PRKAR2A: variants seen among roughly 807,000 people sequenced by gnomAD.
The protein encoded by PRKAR2A is protein kinase cAMP-dependent type II regulatory subunit alpha.
In PRKAR2A, 29 loss-of-function variants were observed where a neutral mutation model predicts 51.9. The observed-to-expected ratio is 0.56, with a 90% CI of 0.42 to 0.76. PRKAR2A has a LOEUF of 0.76. PRKAR2A is among the 30% of genes least tolerant of loss of function. The probability of loss-of-function intolerance (pLI) is 0.00; values close to 1 mark genes in which losing one functional copy is unlikely to be tolerated. For missense variants in PRKAR2A, 445 were observed against 512.1 expected (o/e 0.87, Z 1.26); for synonymous variants, 178 against 186.2 (o/e 0.96, Z 0.36).
At chr3:48,815,418 C>T (rs563461462) in intron 1 of PRKAR2A, among the ~76,000 whole-genome samples, 6 of 151,462 alleles carry the variant, frequency 4.0e-5, no homozygotes, top group African/African-American at 9.7e-5. Flanking sequence ...GGAAGCTGGA[C>T]GGGCACGGTG....
chr3:48,800,298 AG>A (rs1407364772), intron 2 of PRKAR2A, among the ~76,000 whole-genome samples: 1 of 150,940 alleles, frequency 6.6e-6, no homozygotes, highest in African/African-American at 2.4e-5. Context: ...GCAGATGACA[AG>A]GTCAGGAGTT....
At chr3:48,758,989 T>A (rs1404190380) in intron 8 of PRKAR2A, among the ~76,000 whole-genome samples, 1 of 152,194 alleles carries the variant, frequency 6.6e-6, no homozygotes, top group South Asian at 2.1e-4. Flanking sequence ...CTGGACCAAA[T>A]GAAGGACAGT....
Position 48,756,430 on chromosome 3 carries a change from A to T in PRKAR2A, c.888T>A (p.Asp296Glu). 2 of 1,613,878 alleles carry T rather than the reference A, an allele frequency of 1.2e-6. No individual in the cohort carries two copies. The highest frequency in any genetic ancestry group is 1.7e-6 in the Non-Finnish European group (2 of 1,179,806). ...ERIITQGEKA[D>E]SFYIIESGEV... is the part of the protein sequence containing the mutation. ...CGCCAGACTCTATGATGTAAAAGCT[A>T]TCAGCCTTTTCACCCTGAAAGAAAA... is the stretch of plus-strand genomic sequence containing the variant. The change falls in exon 9 of 11, where the codon GAT becomes GAA. Residue 296 changes from aspartate (D) to glutamate (E), a missense_variant. By Grantham distance (45) the Asp-to-Glu change is conservative. Coordinates refer to ENST00000265563, the MANE Select transcript of PRKAR2A (RefSeq NM_004157.4).
chr3:48,819,968 C>T (rs1277040972), intron 1 of PRKAR2A, among the ~76,000 whole-genome samples: 1 of 152,190 alleles, frequency 6.6e-6, no homozygotes, highest in African/African-American at 2.4e-5. Flanking sequence ...CCCAACTCTG[C>T]CTACTACTTC....
chr3:48,829,898 G>A, intron 1 of PRKAR2A, among the ~76,000 whole-genome samples: 1 of 67,200 alleles, frequency 1.5e-5, no homozygotes, highest in East Asian at 4.0e-4. Context: ...AAGCTTTTTT[G>A]TTAAAAACTA....
intron 8 of PRKAR2A, among the ~76,000 whole-genome samples, chr3:48,762,364 C>T (rs1237528924): frequency 6.6e-6 from 1 of 152,206 alleles, no homozygotes; most frequent in Non-Finnish European, 1.5e-5. Context: ...TTTTAAGAAA[C>T]AGTTTGTTAT....
intron 1 of PRKAR2A, among the ~76,000 whole-genome samples, chr3:48,824,277 C>T (rs1328903144): frequency 1.3e-5 from 2 of 151,930 alleles, no homozygotes; most frequent in East Asian, 3.9e-4. Context: ...GGCATGGTGG[C>T]ACATGCCTAT....
At chr3:48,832,668 ATTTT>A (rs904990702) in intron 1 of PRKAR2A, among the ~76,000 whole-genome samples, 3 of 150,496 alleles carry the variant, frequency 2.0e-5, no homozygotes, top group African/African-American at 4.9e-5. Flanking sequence ...TTACAAAACG[ATTTT>A]TTTTTTAATT....
intron 8 of PRKAR2A, among the ~76,000 whole-genome samples, chr3:48,763,154 T>A (rs1196210052): frequency 6.6e-6 from 1 of 152,158 alleles, no homozygotes; most frequent in Non-Finnish European, 1.5e-5. Context: ...ACATAAAATG[T>A]AGTTTCTGAT....
chr3:48,758,065 A>C (rs1004658361), intron 8 of PRKAR2A, among the ~76,000 whole-genome samples: 2 of 151,822 alleles, frequency 1.3e-5, no homozygotes, highest in African/African-American at 4.8e-5. Flanking sequence ...TCAAAAATAA[A>C]TAAAATACAT....
At chr3:48,802,175 T>C (rs1435941642) in intron 2 of PRKAR2A, among the ~76,000 whole-genome samples, 1 of 152,120 alleles carries the variant, frequency 6.6e-6, no homozygotes, top group Non-Finnish European at 1.5e-5. Context: ...CCCAAAGTGT[T>C]GGGATTACAA....
chr3:48,783,646 T>C (rs2082240429), intron 4 of PRKAR2A, among the ~76,000 whole-genome samples: 1 of 152,150 alleles, frequency 6.6e-6, no homozygotes, highest in South Asian at 2.1e-4. Context: ...AGTGGTGTGA[T>C]CTCAGCTCAC....
At chr3:48,826,136 C>T (rs1009398197) in intron 1 of PRKAR2A, among the ~76,000 whole-genome samples, 5 of 152,212 alleles carry the variant, frequency 3.3e-5, no homozygotes, top group East Asian at 1.9e-4. Flanking sequence ...TGTGGTGCCA[C>T]GCACCTCTGG....
chr3:48,839,743 T>C (rs570514214), intron 1 of PRKAR2A, among the ~76,000 whole-genome samples: 17 of 152,308 alleles, frequency 1.1e-4, no homozygotes, highest in African/African-American at 4.1e-4. Context: ...TTACATATGA[T>C]ACTTCTTGTT....
chr3:48,764,941 AATG>A (rs1215976745), intron 8 of PRKAR2A, 60 bp downstream of exon 8: 1 of 1,450,688 alleles, frequency 6.9e-7, no homozygotes, highest in African/African-American at 1.4e-5. Flanking sequence ...TTTTGAGATA[AATG>A]ATGTACTAGT....
Position 48,847,486 on chromosome 3 carries a change from G to A in PRKAR2A, c.111C>T (p.Phe37=), listed in dbSNP as rs1202019341. Residue 37 remains phenylalanine, a synonymous_variant, in exon 1 of 11, where the codon TTC becomes TTT. Coordinates refer to ENST00000265563, the MANE Select transcript of PRKAR2A (RefSeq NM_004157.4). The surrounding 1 kb of genome is among the most constrained non-coding windows in gnomAD (Gnocchi z 4.4). ...PDLVEFAVEY[F]TRLREARAPA... ...GGGCGCGGGCCTCGCGCAGGCGGGT[G>A]AAGTACTCCACTGCGAATTCGACGA... is the stretch of plus-strand genomic sequence containing the variant. 4.5e-6 allele frequency: 7 copies of A among 1,556,708 alleles called. No individual in the cohort carries two copies. The highest frequency in any genetic ancestry group is 6.1e-6 in the Non-Finnish European group (7 of 1,150,296).
chr3:48,793,829 C>A lies in PRKAR2A; in HGVS notation c.351+168G>T, dbSNP rs1204911724. 3.9e-5 allele frequency among the ~76,000 whole-genome samples: 6 copies of A among 152,154 alleles called. No homozygotes were observed. In the South Asian group the frequency reaches 1.2e-3, roughly 31 times the overall value. ...CTGACAGCTACAGCTAGGCATTGCTCACATACCCTCAACCAATGCAACTTT... is the reference window on the plus strand; with the variant it reads ...CTGACAGCTACAGCTAGGCATTGCTAACATACCCTCAACCAATGCAACTTT... On this transcript the variant is annotated intron_variant, in intron 3 of 10. Transcript: ENST00000265563.
intron 1 of PRKAR2A, among the ~76,000 whole-genome samples, chr3:48,836,413 T>C (rs1283338795): frequency 2.3e-5 from 1 of 42,578 alleles, no homozygotes; most frequent in Non-Finnish European, 4.1e-5. Flanking sequence ...AGTGCGAGAC[T>C]CCGTCTAAAA....
At chr3:48,745,333 C>T (rs1575824941), downstream of PRKAR2A, among the ~76,000 whole-genome samples, 1 of 152,214 alleles carries the variant, frequency 6.6e-6, no homozygotes, top group South Asian at 2.1e-4. Flanking sequence ...CCATACCCAG[C>T]TCTGCTGGGT....
Sources: gnomAD v4.1 joint callset for allele counts (sites outside exome capture counted in the v4.1 genomes callset) on GRCh38, gnomAD v4.1.1 for gene constraint, Gnocchi (gnomAD v3.1) non-coding constraint, MANE v1.5 for transcripts, NCBI Gene and HGNC (gene_info 2026-07-23, HGNC 2026-07-21) for gene names.